The following PRKCA variants were observed in gnomAD, a reference collection of about 807,000 sequenced individuals.
The protein encoded by PRKCA is protein kinase C alpha type.
Under a neutral mutation model 87.0 loss-of-function variants are expected in PRKCA, and 27 were observed. The ratio of observed to expected loss-of-function variants is 0.31; its 90% CI spans 0.23 to 0.43. The LOEUF is 0.43. Ranked by LOEUF, PRKCA falls within the 20% of genes least tolerant of loss-of-function variation. The pLI, the probability that PRKCA is intolerant of heterozygous loss-of-function variation, is 1.00. For synonymous variants in PRKCA, 329 were observed against 311.1 expected (o/e 1.06, Z -0.61); for missense variants, 518 against 852.3 (o/e 0.61, Z 4.88).
At chr17:66,526,486 C>T (rs1196066438) in intron 3 of PRKCA, among the ~76,000 whole-genome samples, 2 of 152,136 alleles carry the variant, frequency 1.3e-5, no homozygotes, top group Non-Finnish European at 2.9e-5. Flanking sequence ...GACTCTGCGC[C>T]GTACCTCTTC....
At chr17:66,686,916 A>T (rs1972643066) in intron 5 of PRKCA, among the ~76,000 whole-genome samples, 195 bp from the exon 6 acceptor site, 1 of 152,114 alleles carries the variant, frequency 6.6e-6, no homozygotes. Flanking sequence ...GGCCCACACG[A>T]TGCCCATTAT....
At chr17:66,546,917 A>G (rs890812391) in intron 3 of PRKCA, among the ~76,000 whole-genome samples, 2 of 152,194 alleles carry the variant, frequency 1.3e-5, no homozygotes, top group Non-Finnish European at 2.9e-5. Flanking sequence ...GAACCTTACA[A>G]CAGTTTACTT....
intron 2 of PRKCA, among the ~76,000 whole-genome samples, chr17:66,396,625 C>A (rs72838203): frequency 1.3e-3 from 88 of 66,792 alleles, no homozygotes; most frequent in South Asian, 0.011. Context: ...GTCATTCATT[C>A]TCTCTCTTTT....
intron 14 of PRKCA, among the ~76,000 whole-genome samples, chr17:66,779,636 A>G (rs1050678623): frequency 1.3e-5 from 2 of 152,208 alleles, no homozygotes; most frequent in Admixed American, 1.3e-4. Context: ...ACACCAGTGC[A>G]GTGAGGTGGC....
At chr17:66,796,471 G>A in intron 16 of PRKCA, 1 of 985,276 alleles carries the variant, frequency 1.0e-6, no homozygotes, top group Non-Finnish European at 1.2e-6. Flanking sequence ...AAATGCACTG[G>A]CTTCAGTGGG....
chr17:66,711,106 T>A (rs910962553), intron 8 of PRKCA, among the ~76,000 whole-genome samples: 4 of 137,334 alleles, frequency 2.9e-5, no homozygotes, highest in Non-Finnish European at 5.9e-5. Context: ...TATCAAAACC[T>A]CCTATCAGTG....
At chr17:66,618,152 C>G (rs1055652942) in intron 3 of PRKCA, among the ~76,000 whole-genome samples, 3 of 151,980 alleles carry the variant, frequency 2.0e-5, no homozygotes, top group African/African-American at 7.3e-5. Flanking sequence ...GTCAGGAGTT[C>G]GAGACCAGCC....
At chr17:66,496,334 T>A in intron 3 of PRKCA, 51 bp downstream of exon 3, 1 of 1,485,830 alleles carries the variant, frequency 6.7e-7, no homozygotes, top group Non-Finnish European at 9.4e-7. Flanking sequence ...TTCTGAGCTT[T>A]AATTTTTTTA....
intron 16 of PRKCA, among the ~76,000 whole-genome samples, chr17:66,791,492 T>C (rs1975534622): frequency 1.3e-5 from 2 of 152,172 alleles, no homozygotes; most frequent in Non-Finnish European, 2.9e-5. Context: ...GTAGACGCTG[T>C]GTTCAAAAGC....
chr17:66,404,381 C>T (rs1276318817), intron 2 of PRKCA, among the ~76,000 whole-genome samples: 3 of 152,250 alleles, frequency 2.0e-5, no homozygotes, highest in East Asian at 1.9e-4. Context: ...TTCATGGGGG[C>T]GGCGGAGGGG....
intron 3 of PRKCA, among the ~76,000 whole-genome samples, chr17:66,615,248 C>A (rs969656344): frequency 2.0e-5 from 3 of 152,086 alleles, no homozygotes; most frequent in Non-Finnish European, 4.4e-5. Flanking sequence ...TGTTTAGCTG[C>A]AAAGAAGGGG....
chr17:66,678,848 GT>G (rs1041160167), intron 5 of PRKCA, among the ~76,000 whole-genome samples: 2 of 152,058 alleles, frequency 1.3e-5, no homozygotes, highest in Non-Finnish European at 2.9e-5. Flanking sequence ...CTCTACATCG[GT>G]GCAGATTTAC....
At chr17:66,517,035 C>T (rs1966989983) in intron 3 of PRKCA, among the ~76,000 whole-genome samples, 1 of 152,122 alleles carries the variant, frequency 6.6e-6, no homozygotes, top group Non-Finnish European at 1.5e-5. Flanking sequence ...CCTGTAATCC[C>T]AGCACTTTGG....
At chr17:66,426,692 G>A (rs768127994) in intron 2 of PRKCA, among the ~76,000 whole-genome samples, 7 of 152,186 alleles carry the variant, frequency 4.6e-5, no homozygotes, top group Non-Finnish European at 7.4e-5. Context: ...TGAGACAGTC[G>A]TGGGAATACC....
chr17:66,424,068 AG>A (rs1327125871), intron 2 of PRKCA, among the ~76,000 whole-genome samples: 9 of 152,146 alleles, frequency 5.9e-5, no homozygotes, highest in Non-Finnish European at 1.2e-4. Flanking sequence ...GAGGCTCTGG[AG>A]GAGGACCATT....
chr17:66,681,722 A>G (rs376744229), intron 5 of PRKCA, among the ~76,000 whole-genome samples: 1 of 152,162 alleles, frequency 6.6e-6, no homozygotes, highest in South Asian at 2.1e-4. Flanking sequence ...CTAGCTGCCC[A>G]CGCTCTTGGT....
At chr17:66,667,834 A>G (rs933825866) in intron 5 of PRKCA, among the ~76,000 whole-genome samples, 6 of 152,224 alleles carry the variant, frequency 3.9e-5, no homozygotes, top group Non-Finnish European at 7.3e-5. Flanking sequence ...TACTTAAGAA[A>G]TCGAGATATC....
intron 13 of PRKCA, 100 bp downstream of exon 13, chr17:66,742,860 C>A: frequency 7.4e-7 from 1 of 1,358,976 alleles, no homozygotes; most frequent in Non-Finnish European, 1.0e-6. Flanking sequence ...GAAGTCAGTG[C>A]ATGGTCACAG....
chr17:66,695,787 G>A (rs721429), intron 8 of PRKCA, among the ~76,000 whole-genome samples: 73,245 of 151,960 alleles, frequency 0.48, 18,025 homozygotes, highest in African/African-American at 0.57. Context: ...CTTTGTCTGC[G>A]ATGGGATATT....
Sources: gnomAD v4.1 joint callset for allele counts (sites outside exome capture counted in the v4.1 genomes callset) on GRCh38, gnomAD v4.1.1 for gene constraint, MANE v1.5 for transcripts, NCBI Gene and HGNC (gene_info 2026-07-23, HGNC 2026-07-21) for gene names.